Variants in KCNMB2 observed in about 807,000 individuals in gnomAD.
The protein encoded by KCNMB2 is calcium-activated potassium channel subunit beta-2.
In KCNMB2, 9 loss-of-function variants were observed where a neutral mutation model predicts 24.5. The ratio of observed to expected loss-of-function variants is 0.37; its 90% CI spans 0.22 to 0.64. KCNMB2 has a LOEUF of 0.64. Ranked by LOEUF, KCNMB2 falls within the 30% of genes least tolerant of loss-of-function variation. The pLI, the probability that KCNMB2 is intolerant of heterozygous loss-of-function variation, is 0.63. For missense variants in KCNMB2, 226 were observed against 284.3 expected (o/e 0.79, Z 1.47); for synonymous variants, 109 against 104.4 (o/e 1.04, Z -0.27).
At position 178,573,893 on chromosome 3, in the gene KCNMB2, T is replaced by A. The variant is rs948147864; in HGVS notation, c.-68+37182T>A. Among the ~76,000 whole-genome samples, 5 of 152,198 alleles carry A rather than the reference T, an allele frequency of 3.3e-5. No homozygotes were observed. The South Asian group carries it at 6.2e-4, about 19-fold the overall frequency. ...GGCATTCACTCAAATAAAGCTGTGA[T>A]GCCTGTGAAAGGAGAGATGAAAATG... On this transcript the variant is annotated intron_variant, in intron 1 of 4. Transcript: ENST00000452583.
intron 1 of KCNMB2, among the ~76,000 whole-genome samples, chr3:178,770,377 C>T (rs1193645248): frequency 6.6e-6 from 1 of 152,234 alleles, no homozygotes; most frequent in African/African-American, 2.4e-5. Flanking sequence ...GAGACAGGAG[C>T]TTCAGGTTAC....
At chr3:178,600,224 T>C (rs768582858) in intron 1 of KCNMB2, among the ~76,000 whole-genome samples, 1 of 152,198 alleles carries the variant, frequency 6.6e-6, no homozygotes, top group Non-Finnish European at 1.5e-5. Context: ...GATTTATTCA[T>C]GTTGTATCAA....
chr3:178,611,149 G>T (rs1338958550), intron 1 of KCNMB2, among the ~76,000 whole-genome samples: 1 of 152,074 alleles, frequency 6.6e-6, no homozygotes, highest in Non-Finnish European at 1.5e-5. Context: ...TTACAGCTTT[G>T]ATCTTGTTAC....
Position 178,827,179 on chromosome 3 carries a change from T to G in KCNMB2, c.228-999T>G, listed in dbSNP as rs1175934411. ...TCAGCTTATACCCAAAACCAAACCA[T>G]CAATTGCTGGTGTGTTAATTCCTAA... On this transcript the variant is annotated intron_variant, in intron 3 of 4. Transcript: ENST00000452583. Among the ~76,000 whole-genome samples, 3 of 152,266 alleles carry G rather than the reference T, an allele frequency of 2.0e-5. No individual in the cohort carries two copies. The East Asian group carries it at 5.8e-4, about 29-fold the overall frequency.
intron 1 of KCNMB2, among the ~76,000 whole-genome samples, chr3:178,637,783 T>C (rs1255072499): frequency 6.6e-6 from 1 of 152,172 alleles, no homozygotes; most frequent in Non-Finnish European, 1.5e-5. Context: ...ATGGTAGTTA[T>C]TTTCTGTCTC....
intron 1 of KCNMB2, among the ~76,000 whole-genome samples, chr3:178,649,546 G>A (rs1307169041): frequency 2.0e-5 from 3 of 151,548 alleles, no homozygotes; most frequent in Non-Finnish European, 2.9e-5. Flanking sequence ...CTCAATTTTA[G>A]AATTTGTTAT....
chr3:178,614,826 A>T (rs1358619839), intron 1 of KCNMB2, among the ~76,000 whole-genome samples: 1 of 152,130 alleles, frequency 6.6e-6, no homozygotes, highest in East Asian at 1.9e-4. Flanking sequence ...GGTATTGATG[A>T]TAGTAGATGT....
intron 1 of KCNMB2, among the ~76,000 whole-genome samples, chr3:178,751,682 G>A (rs143458512): frequency 1.6e-3 from 238 of 151,536 alleles, no homozygotes; most frequent in Non-Finnish European, 2.5e-3. Context: ...GGTACAATAG[G>A]GAAGAGGGAA....
At chr3:178,647,372 C>T (rs747256884) in intron 1 of KCNMB2, among the ~76,000 whole-genome samples, 14 of 152,028 alleles carry the variant, frequency 9.2e-5, no homozygotes, top group East Asian at 3.8e-4. Flanking sequence ...AATTTGCAGA[C>T]GAAAATAAAT....
chr3:178,605,938 C>T (rs1331308275), intron 1 of KCNMB2, among the ~76,000 whole-genome samples: 1 of 152,086 alleles, frequency 6.6e-6, no homozygotes, highest in Non-Finnish European at 1.5e-5. Context: ...AAATTTGCAG[C>T]CATCCATATT....
chr3:178,596,956 T>C (rs574755468), intron 1 of KCNMB2, among the ~76,000 whole-genome samples: 49 of 152,278 alleles, frequency 3.2e-4, no homozygotes, highest in Middle Eastern at 6.8e-3. Flanking sequence ...AAGGTTTCTA[T>C]GTGGCATATG....
intron 1 of KCNMB2, among the ~76,000 whole-genome samples, chr3:178,604,916 T>C (rs1311196954): frequency 6.6e-6 from 1 of 152,198 alleles, no homozygotes; most frequent in Non-Finnish European, 1.5e-5. Flanking sequence ...ACATGACACA[T>C]TATACTCATA....
chr3:178,654,706 G>C (rs985318687), intron 1 of KCNMB2, among the ~76,000 whole-genome samples: 1 of 152,066 alleles, frequency 6.6e-6, no homozygotes, highest in African/African-American at 2.4e-5. Flanking sequence ...TAAGTGTAGA[G>C]AGTTTTTGGT....
At chr3:178,670,157 C>T (rs976211210) in intron 1 of KCNMB2, among the ~76,000 whole-genome samples, 3 of 152,038 alleles carry the variant, frequency 2.0e-5, no homozygotes, top group African/African-American at 7.2e-5. Context: ...ACTAATTTGG[C>T]AAAGGAAAAG....
chr3:178,747,976 C>A (rs1723726528), intron 1 of KCNMB2, among the ~76,000 whole-genome samples: 3 of 152,256 alleles, frequency 2.0e-5, no homozygotes, highest in Admixed American at 2.0e-4. Flanking sequence ...ATTGACATTT[C>A]TAATGTGCCC....
chr3:178,634,954 G>A (rs1389010895), intron 1 of KCNMB2, among the ~76,000 whole-genome samples: 2 of 152,160 alleles, frequency 1.3e-5, no homozygotes, highest in African/African-American at 4.8e-5. Context: ...AAGGGTACAA[G>A]TCTGAGTTCA....
intron 1 of KCNMB2, among the ~76,000 whole-genome samples, chr3:178,612,302 TG>T (rs1718509753): frequency 6.6e-6 from 1 of 152,190 alleles, no homozygotes; most frequent in African/African-American, 2.4e-5. Context: ...TGATTTTTTT[TG>T]TTGATTCTTC....
At chr3:178,589,317 G>T (rs560410252) in intron 1 of KCNMB2, among the ~76,000 whole-genome samples, 1 of 152,098 alleles carries the variant, frequency 6.6e-6, no homozygotes, top group Non-Finnish European at 1.5e-5. Flanking sequence ...CTGAGCTCAC[G>T]TGCAAATACC....
intron 1 of KCNMB2, among the ~76,000 whole-genome samples, chr3:178,712,411 C>G (rs997904890): frequency 1.3e-5 from 2 of 152,152 alleles, no homozygotes; most frequent in Admixed American, 6.5e-5. Flanking sequence ...GTTACGTTGA[C>G]TCGACAAATA....
Sources: allele counts gnomAD v4.1 joint callset (sites outside exome capture counted in the v4.1 genomes callset), GRCh38; gene constraint gnomAD v4.1.1; transcripts MANE v1.5; gene names NCBI Gene and HGNC (gene_info 2026-07-23, HGNC 2026-07-21).